SRGAP2B: variants seen among roughly 807,000 people sequenced by gnomAD.
The protein encoded by SRGAP2B is SLIT-ROBO Rho GTPase activating protein 2B.
A neutral mutation model predicts 22.2 loss-of-function variants in SRGAP2B; 9 were observed. The observed-to-expected ratio is 0.41, with a 90% CI of 0.24 to 0.71. The LOEUF is 0.71. Ranked by LOEUF, SRGAP2B falls within the 30% of genes least tolerant of loss-of-function variation. The pLI is 0.35. For synonymous variants in SRGAP2B, 36 were observed against 87.4 expected (o/e 0.41, Z 3.28); for missense variants, 114 against 235.8 (o/e 0.48, Z 3.38).
chr1:144,948,979 T>A (rs1457933025), intron 4 of SRGAP2B, among the ~76,000 whole-genome samples: 2 of 84,538 alleles, frequency 2.4e-5, no homozygotes, highest in Non-Finnish European at 4.5e-5. Context: ...AATATTCAGG[T>A]GCAAGTCTTT....
chr1:144,939,789 CAA>C (rs1294813396), intron 4 of SRGAP2B, among the ~76,000 whole-genome samples: 1 of 145,468 alleles, frequency 6.9e-6, no homozygotes, highest in African/African-American at 2.6e-5. Context: ...CTGAGAGCAG[CAA>C]AAAGAGAATG....
At chr1:144,941,589 C>G in intron 4 of SRGAP2B, among the ~76,000 whole-genome samples, 1 of 148,024 alleles carries the variant, frequency 6.8e-6, no homozygotes, top group Non-Finnish European at 1.5e-5. Flanking sequence ...ACTAAAAGAC[C>G]AGAGAAAGTC....
At chr1:144,974,932 C>CCT in intron 3 of SRGAP2B, among the ~76,000 whole-genome samples, 1 of 149,954 alleles carries the variant, frequency 6.7e-6, no homozygotes, top group African/African-American at 2.5e-5. Context: ...AAGAGGTGAT[C>CCT]AGGGAGAATG....
At chr1:145,083,220 T>A (rs199490441) in intron 2 of SRGAP2B, among the ~76,000 whole-genome samples, 12 of 142,782 alleles carry the variant, frequency 8.4e-5, no homozygotes, top group Admixed American at 4.1e-4. Context: ...GCTTTAAAGG[T>A]TGAATAAGTT....
chr1:145,082,266 T>A (rs1653003498), intron 2 of SRGAP2B, among the ~76,000 whole-genome samples: 1 of 144,494 alleles, frequency 6.9e-6, no homozygotes, highest in African/African-American at 2.8e-5. Flanking sequence ...TGAAAAACCA[T>A]AAGGGACCAT....
At chr1:145,080,717 G>A (rs1260150246) in intron 2 of SRGAP2B, among the ~76,000 whole-genome samples, 1 of 148,930 alleles carries the variant, frequency 6.7e-6, no homozygotes, top group Non-Finnish European at 1.5e-5. Flanking sequence ...ACCATGCCCA[G>A]CTAACTTTTG....
chr1:144,976,126 C>T lies in SRGAP2B; in HGVS notation c.260+18882G>A, dbSNP rs587606670. On this transcript the variant is annotated intron_variant, in intron 3 of 9. Transcript: ENST00000612199. ...TGATCTCCTGACCTCATGATCGGCC[C>T]GCCTCGGCCTCCCAAAGTACTGGGA... Among the ~76,000 whole-genome samples, 74 of 147,962 alleles carry T rather than the reference C, an allele frequency of 5.0e-4. 2 individuals carry two copies. The highest frequency in any genetic ancestry group is 1.7e-3 in the Admixed American group (25 of 15,014).
At chr1:144,998,994 A>G (rs1670919154) in intron 2 of SRGAP2B, among the ~76,000 whole-genome samples, 1 of 150,760 alleles carries the variant, frequency 6.6e-6, no homozygotes, top group East Asian at 1.9e-4. Flanking sequence ...TCAACAAACA[A>G]AAGGGCAGAA....
intron 3 of SRGAP2B, among the ~76,000 whole-genome samples, chr1:144,970,662 A>G (rs1668444478): frequency 1.4e-5 from 2 of 143,482 alleles, no homozygotes; most frequent in South Asian, 2.2e-4. Flanking sequence ...AAAAAAAAGC[A>G]TGATTCAGTG....
intron 3 of SRGAP2B, among the ~76,000 whole-genome samples, chr1:144,962,529 C>T (rs581881): frequency 1.6e-3 from 164 of 102,214 alleles, no homozygotes; most frequent in African/African-American, 6.3e-3. Flanking sequence ...CTAGGAATGG[C>T]CCCCAAATTT....
At chr1:144,981,083 G>C (rs1553615069) in intron 3 of SRGAP2B, among the ~76,000 whole-genome samples, 2 of 150,184 alleles carry the variant, frequency 1.3e-5, no homozygotes. Context: ...GGCAGAGACT[G>C]TCTTTTCTTC....
chr1:144,915,468 G>A (rs1482979188), intron 4 of SRGAP2B, among the ~76,000 whole-genome samples: 1 of 150,708 alleles, frequency 6.6e-6, no homozygotes, highest in Non-Finnish European at 1.5e-5. Context: ...GCTCACACCT[G>A]TAATCCCAGC....
rs1173413858 is a variant in SRGAP2B at position 144,984,367 on chromosome 1, A to ACAACAAC, written c.260+10640_260+10641insGTTGTTG. 1.8e-4 allele frequency among the ~76,000 whole-genome samples: 25 copies of ACAACAAC among 141,050 alleles called. 1 individual carries two copies. Among genetic ancestry groups the ACAACAAC allele is most frequent in the Middle Eastern group, 3.6e-3 (1 of 276 alleles). 92.5% of individuals were successfully genotyped at this position (141,050 alleles called of 152,430 possible). Reference sequence around the variant, plus strand: ...AACAACAACAACAACAACAACAACAAAAAAAAAAAAACAAAAAAGCCCCTC... The same window carrying ACAACAAC: ...AACAACAACAACAACAACAACAACAACAACAACAAAAAAAAAAACAAAAAAGCCCCTC... On this transcript the variant is annotated intron_variant, in intron 3 of 9. Transcript: ENST00000612199.
intron 4 of SRGAP2B, among the ~76,000 whole-genome samples, chr1:144,933,296 T>C (rs1440491016): frequency 1.3e-5 from 2 of 149,766 alleles, no homozygotes; most frequent in Non-Finnish European, 2.9e-5. Context: ...CCTTCCATCA[T>C]CTGCCTGCCA....
chr1:144,997,337 G>C (rs1398330417), intron 2 of SRGAP2B, among the ~76,000 whole-genome samples: 1 of 150,898 alleles, frequency 6.6e-6, no homozygotes, highest in Non-Finnish European at 1.5e-5. Context: ...AGGCTGAGGT[G>C]CGAGAATGGC....
chr1:144,990,636 G>C (rs1334962211), intron 3 of SRGAP2B, among the ~76,000 whole-genome samples: 1 of 146,816 alleles, frequency 6.8e-6, no homozygotes, highest in African/African-American at 2.6e-5. Context: ...TCAGCTTGCA[G>C]GGAGGTGTGG....
intron 5 of SRGAP2B, among the ~76,000 whole-genome samples, chr1:144,911,914 C>T (rs1190687617): frequency 2.2e-5 from 3 of 133,626 alleles, no homozygotes; most frequent in Admixed American, 7.5e-5. Context: ...CCACTGTGAC[C>T]GGCTATTCTC....
At chr1:144,981,081 C>T (rs1342669774) in intron 3 of SRGAP2B, among the ~76,000 whole-genome samples, 1 of 150,236 alleles carries the variant, frequency 6.7e-6, no homozygotes, top group Non-Finnish European at 1.5e-5. Context: ...ATGGCAGAGA[C>T]TGTCTTTTCT....
intron 4 of SRGAP2B, among the ~76,000 whole-genome samples, chr1:144,930,699 A>G (rs1188095733): frequency 4.7e-5 from 7 of 150,360 alleles, no homozygotes; most frequent in Non-Finnish European, 1.0e-4. Context: ...AAAAATTGAA[A>G]GAAGTAATCA....
Sources: gnomAD v4.1 joint callset for allele counts (sites outside exome capture counted in the v4.1 genomes callset) on GRCh38, gnomAD v4.1.1 for gene constraint, MANE v1.5 for transcripts, NCBI Gene and HGNC (gene_info 2026-07-23, HGNC 2026-07-21) for gene names.